Variants in VWA1 observed in about 807,000 individuals in gnomAD.
VWA1 encodes von Willebrand factor A domain-containing protein 1.
A neutral mutation model predicts 14.9 loss-of-function variants in VWA1; 12 were observed. The observed-to-expected ratio is 0.80, with a 90% CI of 0.52 to 1.30. The LOEUF (loss-of-function observed/expected upper bound fraction) is 1.30, where lower values mean the gene tolerates loss of function less well. Among genes scored for constraint, VWA1 ranks in the 50% most tolerant of loss-of-function variants. VWA1 has a pLI of 0.00. For missense variants in VWA1, 800 were observed against 649.1 expected (o/e 1.23, Z -2.53); for synonymous variants, 368 against 310.7 (o/e 1.18, Z -1.94).
Position 1,439,365 on chromosome 1 carries a change from GC to G in VWA1, c.917del (p.Ala306GlufsTer45). On this transcript the variant is annotated frameshift_variant, in exon 3 of 3. Transcript: ENST00000476993. LOFTEE classifies it low-confidence loss of function (END_TRUNC). ...GCGGGTGCGCACGCGGCCCGGTGAG[GC>G]AGGGCCGGGGGCTTCGGGCCCGGAG... ...ILRVRTRPGE[A>X]GPGASGPESG... The G allele has an allele frequency of 6.5e-7, 1 of 1,533,166 alleles. No individual in the cohort carries two copies. The highest frequency in any genetic ancestry group is 1.4e-5 in the African/African-American group (1 of 72,276). 95.0% of individuals were successfully genotyped at this position (1,533,166 alleles called of 1,614,324 possible). A position where few individuals can be genotyped will look rare whatever the true frequency, so the allele number is the denominator to read the frequency against.
Position 1,435,831 on chromosome 1 carries a change from G to A in VWA1, c.73+10G>A. On this transcript the variant is annotated intron_variant, in intron 1 of 2. Transcript: ENST00000476993. ...AGCGGCGCGGAGCGCGGTGAGTGCGGCGGGCGGCCGGGCCGGGGCTGGGGC... is the reference window on the plus strand; with the variant it reads ...AGCGGCGCGGAGCGCGGTGAGTGCGACGGGCGGCCGGGCCGGGGCTGGGGC... 8.7e-7 allele frequency: 1 copy of A among 1,143,704 alleles called. No homozygotes were observed. Among genetic ancestry groups the A allele is most frequent in the Non-Finnish European group, 1.1e-6 (1 of 937,782 alleles). 70.8% of individuals were successfully genotyped at this position (1,143,704 alleles called of 1,614,324 possible).
chr1:1,439,709 C>A lies in VWA1; in HGVS notation c.1260C>A (p.Cys420Ter). The change falls in exon 3 of 3, where the codon TGC (cysteine) becomes TGA (stop). Residue 420 changes from cysteine to a stop codon, truncating the protein, a stop_gained. Transcript: ENST00000476993. LOFTEE classifies it low-confidence loss of function (END_TRUNC). Reference protein sequence around the residue: ...GRESALSAKACTPDGPRPRPR... With the variant: ...GRESALSAKA ...AGAGCGCGCTGTCCGCCAAGGCCTGCACGCCCGACGGCCCGCGCCCGCGCC... is the reference window on the plus strand; with the variant it reads ...AGAGCGCGCTGTCCGCCAAGGCCTGAACGCCCGACGGCCCGCGCCCGCGCC... 2 of 1,188,406 alleles carry A rather than the reference C, an allele frequency of 1.7e-6. No individual in the cohort carries two copies. Among genetic ancestry groups the A allele is most frequent in the South Asian group, 2.2e-5 (1 of 45,330 alleles). 73.6% of individuals were successfully genotyped at this position (1,188,406 alleles called of 1,614,324 possible). A position where few individuals can be genotyped will look rare whatever the true frequency, so the allele number is the denominator to read the frequency against.
In VWA1 at chr1:1,439,705, C is replaced by T; in HGVS notation, c.1256C>T (p.Ala419Val). The part of the protein sequence containing the change: ...SGRESALSAK[A>V]CTPDGPRPRP... ...CGCGAGAGCGCGCTGTCCGCCAAGGCCTGCACGCCCGACGGCCCGCGCCCG... is the reference window on the plus strand; with the variant it reads ...CGCGAGAGCGCGCTGTCCGCCAAGGTCTGCACGCCCGACGGCCCGCGCCCG... The change falls in exon 3 of 3, where the codon GCC becomes GTC. Residue 419 changes from alanine to valine, a missense_variant. Physicochemically the swap from Ala to Val is moderately conservative, Grantham distance 64 (BLOSUM62 0). Transcript: ENST00000476993. 1 of 1,196,420 alleles carries T rather than the reference C, an allele frequency of 8.4e-7. No homozygotes were observed. The highest frequency in any genetic ancestry group is 1.0e-6 in the Non-Finnish European group (1 of 959,468). The allele number at this position is 1,196,420 out of a possible 1,614,324, so 74.1% of individuals were successfully genotyped here.
At chr1:1,439,007 C>T (rs1638600466) in intron 2 of VWA1, 74 bp from the exon 3 acceptor site, 55 of 1,498,790 alleles carry the variant, frequency 3.7e-5, no homozygotes, top group Non-Finnish European at 4.8e-5. Flanking sequence ...AGATCTTCCC[C>T]ATCAGCCAGG....
In VWA1 at chr1:1,437,422, T is replaced by C. The variant is rs1330634786; in HGVS notation, c.569T>C (p.Leu190Pro). Residue 190 changes from leucine to proline, a missense_variant, in exon 2 of 3, where the codon CTG becomes CCG. By Grantham distance (98) the Leu-to-Pro change is moderately conservative. Coordinates refer to ENST00000476993, the MANE Select transcript of VWA1 (RefSeq NM_022834.5). ...AAASAPAEKH[L>P]HFVDVDDLHI... ...GCCTCAGCCCCTGCCGAGAAGCACCTGCACTTTGTGGACGTGGATGACCTG... is the reference window on the plus strand; with the variant it reads ...GCCTCAGCCCCTGCCGAGAAGCACCCGCACTTTGTGGACGTGGATGACCTG... 6.2e-7 allele frequency: 1 copy of C among 1,612,732 alleles called. No individual in the cohort carries two copies. The highest frequency in any genetic ancestry group is 2.2e-5 in the East Asian group (1 of 44,880).
chr1:1,435,866 C>T (rs1638526273), intron 1 of VWA1, 45 bp downstream of exon 1: 1 of 1,064,226 alleles, frequency 9.4e-7, no homozygotes, highest in South Asian at 4.3e-5. Flanking sequence ...CTTCTGGTGA[C>T]CGCTCTGCGC....
Position 1,437,144 on chromosome 1 carries a change from C to T in VWA1, c.291C>T (p.Ala97=), listed in dbSNP as rs1638562524. The change falls in exon 2 of 3, where the codon GCC becomes GCT. Residue 97 remains alanine, a synonymous_variant. Coordinates refer to ENST00000476993, the MANE Select transcript of VWA1 (RefSeq NM_022834.5). ...GCCAGCACAGCTCGGGTGAGGCTGC[C>T]CAGGATGCGGTGCGTGCTTCTGCCC... is the stretch of plus-strand genomic sequence containing the variant. The part of the protein sequence containing the change: ...PFGQHSSGEA[A]QDAVRASAQR... The T allele has an allele frequency of 6.2e-7, 1 of 1,607,278 alleles. No homozygotes were observed. Among genetic ancestry groups the T allele is most frequent in the African/African-American group, 1.3e-5 (1 of 74,964 alleles).
Position 1,439,795 on chromosome 1 carries a change from TC to T in VWA1, c.*12del. On this transcript the variant is annotated 3_prime_UTR_variant, in exon 3 of 3. Coordinates refer to ENST00000476993, the MANE Select transcript of VWA1 (RefSeq NM_022834.5). ...GCCAGCCGTGAGCCGTAAGCCGGCG[TC>T]CCCGCCCAGCCGAGAGGGCCGGCGC... is the stretch of plus-strand genomic sequence containing the variant. The T allele has an allele frequency of 3.7e-6, 4 of 1,071,518 alleles. No individual in the cohort carries two copies. The highest frequency in any genetic ancestry group is 5.5e-5 in the Admixed American group (1 of 18,304). The allele number at this position is 1,071,518 out of a possible 1,614,324, so 66.4% of individuals were successfully genotyped here.
At position 1,439,083 on chromosome 1, in the gene VWA1, G is replaced by C. The variant is rs1485809791; in HGVS notation, c.634G>C (p.Ala212Pro). The change falls in exon 3 of 3, where the codon GCG (alanine) becomes CCG (proline). Residue 212 changes from alanine (A) to proline (P), a missense_variant and splice_region_variant. Physicochemically the swap from Ala to Pro is conservative, Grantham distance 27. Coordinates refer to ENST00000476993, the MANE Select transcript of VWA1 (RefSeq NM_022834.5). ...VQELRGSILD[A>P]MRPQQLHATE... is the part of the protein sequence containing the mutation. ...CTGACCCCCTGCACCACCCACAGAC[G>C]CGATGCGGCCGCAGCAGCTCCATGC... The C allele has an allele frequency of 6.3e-7, 1 of 1,597,750 alleles. No homozygotes were observed. Among genetic ancestry groups the C allele is most frequent in the Non-Finnish European group, 8.5e-7 (1 of 1,179,128 alleles).
rs548369481 is a variant in VWA1, at chr1:1,441,565, C to G, written c.*1778C>G. The G allele has an allele frequency of 6.6e-6, 1 of 152,532 alleles. No individual in the cohort carries two copies. Among genetic ancestry groups the G allele is most frequent in the South Asian group, 2.1e-4 (1 of 4,830 alleles). The allele number at this position is 152,532 out of a possible 1,614,324, so 9.4% of individuals were successfully genotyped here. A position where few individuals can be genotyped will look rare whatever the true frequency, so the allele number is the denominator to read the frequency against. The stretch of plus-strand genomic sequence containing the variant: ...TGCAGGTGGCGTGCTCACAACTGCA[C>G]TGCTGGTCGGCAGGTGGCCAGGGTT... On this transcript the variant is annotated 3_prime_UTR_variant, in exon 3 of 3. Transcript: ENST00000476993.
In VWA1 at chr1:1,439,381, C is replaced by T. The variant is rs2100455451; in HGVS notation, c.932C>T (p.Ser311Leu). 2 of 1,496,724 alleles carry T rather than the reference C, an allele frequency of 1.3e-6. No individual in the cohort carries two copies. Among genetic ancestry groups the T allele is most frequent in the Non-Finnish European group, 1.8e-6 (2 of 1,129,734 alleles). 92.7% of individuals were successfully genotyped at this position (1,496,724 alleles called of 1,614,324 possible). A position where few individuals can be genotyped will look rare whatever the true frequency, so the allele number is the denominator to read the frequency against. ...TRPGEAGPGA[S>L]GPESGAGPAP... ...CCCGGTGAGGCAGGGCCGGGGGCTT[C>T]GGGCCCGGAGTCGGGGGCTGGGCCG... is the stretch of plus-strand genomic sequence containing the variant. Residue 311 changes from serine (S) to leucine (L), a missense_variant, in exon 3 of 3, where the codon TCG becomes TTG. Physicochemically the swap from Ser to Leu is moderately radical, Grantham distance 145. Transcript: ENST00000476993.
Position 1,439,793 on chromosome 1 carries a change from C to T in VWA1, c.*6C>T, listed in dbSNP as rs1292533347. ...CCGCCAGCCGTGAGCCGTAAGCCGG[C>T]GTCCCCGCCCAGCCGAGAGGGCCGG... On this transcript the variant is annotated 3_prime_UTR_variant, in exon 3 of 3. Coordinates refer to ENST00000476993, the MANE Select transcript of VWA1 (RefSeq NM_022834.5). 1 of 1,071,960 alleles carries T rather than the reference C, an allele frequency of 9.3e-7. No individual in the cohort carries two copies. Among genetic ancestry groups the T allele is most frequent in the Non-Finnish European group, 1.1e-6 (1 of 885,450 alleles). 66.4% of individuals were successfully genotyped at this position (1,071,960 alleles called of 1,614,324 possible). A position where few individuals can be genotyped will look rare whatever the true frequency, so the allele number is the denominator to read the frequency against.
chr1:1,437,406 C>A lies in VWA1; in HGVS notation c.553C>A (p.Pro185Thr). ...GGAGCTGTCAGCCGCTGCCTCAGCCCCTGCCGAGAAGCACCTGCACTTTGT... is the reference window on the plus strand; with the variant it reads ...GGAGCTGTCAGCCGCTGCCTCAGCCACTGCCGAGAAGCACCTGCACTTTGT... ...FLELSAAASA[P>T]AEKHLHFVDV... Residue 185 changes from proline (P) to threonine (T), a missense_variant, in exon 2 of 3, where the codon CCT becomes ACT. Physicochemically the swap from Pro to Thr is conservative, Grantham distance 38. Transcript: ENST00000476993. 1.2e-6 allele frequency: 2 copies of A among 1,612,836 alleles called. No homozygotes were observed. Among genetic ancestry groups the A allele is most frequent in the Non-Finnish European group, 1.7e-6 (2 of 1,179,988 alleles).
Position 1,442,834 on chromosome 1 carries a change from G to T in VWA1, c.*3047G>T, listed in dbSNP as rs148307247. ...TGGGAGCCACCTAGGGAAGCAGGTC[G>T]CCTGTTTCTATAGTGACGGTAATAA... On this transcript the variant is annotated 3_prime_UTR_variant, in exon 3 of 3. Coordinates refer to ENST00000476993, the MANE Select transcript of VWA1 (RefSeq NM_022834.5). The T allele has an allele frequency of 9.0e-5, 1 of 11,068 alleles. No individual in the cohort carries two copies. Among genetic ancestry groups the T allele is most frequent in the African/African-American group, 3.9e-4 (1 of 2,594 alleles). 0.7% of individuals were successfully genotyped at this position (11,068 alleles called of 1,614,324 possible).
At chr1:1,437,513 G>A (rs199818331) in intron 2 of VWA1, 29 bp downstream of exon 2, 50 of 1,573,014 alleles carry the variant, frequency 3.2e-5, no homozygotes, top group Non-Finnish European at 4.1e-5. Context: ...GGCCCAGGGA[G>A]CCCTAGCTGG....
Position 1,439,530 on chromosome 1 carries a change from G to T in VWA1, c.1081G>T (p.Ala361Ser). ...GGCCCCAGCGCTGGGCTCAGCCGCG[G>T]CGCTCGGCTACCACGTGCAGTTCGG... ...SWAPALGSAAALGYHVQFGPL... is the reference protein window; with the variant it reads ...SWAPALGSAASLGYHVQFGPL... Residue 361 changes from alanine to serine, a missense_variant, in exon 3 of 3, where the codon GCG (alanine) becomes TCG (serine). By Grantham distance (99) the Ala-to-Ser change is moderately conservative. Coordinates refer to ENST00000476993, the MANE Select transcript of VWA1 (RefSeq NM_022834.5). The T allele has an allele frequency of 7.3e-7, 1 of 1,362,742 alleles. No individual in the cohort carries two copies. Among genetic ancestry groups the T allele is most frequent in the Non-Finnish European group, 9.4e-7 (1 of 1,061,292 alleles). 84.4% of individuals were successfully genotyped at this position (1,362,742 alleles called of 1,614,324 possible). A position where few individuals can be genotyped will look rare whatever the true frequency, so the allele number is the denominator to read the frequency against.
chr1:1,439,719 GGCCCGCGCCCGC>G lies in VWA1; in HGVS notation c.1275_1286del (p.Arg428_Pro431del), dbSNP rs908433842. Reference sequence around the variant, plus strand: ...GTCCGCCAAGGCCTGCACGCCCGACGGCCCGCGCCCGCGCCCACGCCCCGTGCCCCGCGCCCC... The same window carrying G: ...GTCCGCCAAGGCCTGCACGCCCGACGGCCCACGCCCCGTGCCCCGCGCCCC... On this transcript the variant is annotated inframe_deletion, in exon 3 of 3. Coordinates refer to ENST00000476993, the MANE Select transcript of VWA1 (RefSeq NM_022834.5). The G allele has an allele frequency of 7.0e-6, 8 of 1,147,826 alleles. No homozygotes were observed. The highest frequency in any genetic ancestry group is 7.5e-6 in the Non-Finnish European group (7 of 932,430). 71.1% of individuals were successfully genotyped at this position (1,147,826 alleles called of 1,614,324 possible). A position where few individuals can be genotyped will look rare whatever the true frequency, so the allele number is the denominator to read the frequency against.
rs888544809 is a variant in VWA1, at chr1:1,442,262, C to T, written c.*2475C>T. 6.6e-6 allele frequency: 1 copy of T among 152,322 alleles called. No homozygotes were observed. Among genetic ancestry groups the T allele is most frequent in the African/African-American group, 2.4e-5 (1 of 41,482 alleles). The allele number at this position is 152,322 out of a possible 1,614,324, so 9.4% of individuals were successfully genotyped here. On this transcript the variant is annotated 3_prime_UTR_variant, in exon 3 of 3. Transcript: ENST00000476993. ...CAGAGGCTGATACCCGCCAGGACTT[C>T]CTTGCCAAGGGCCCGGCCACGTCAC...
intron 1 of VWA1, among the ~76,000 whole-genome samples, chr1:1,436,126 C>G (rs997686515): frequency 1.3e-5 from 2 of 152,190 alleles, no homozygotes; most frequent in African/African-American, 2.4e-5. Flanking sequence ...CTCAGTTTCC[C>G]TACCCTTGCG....
Sources: gnomAD v4.1 joint callset for allele counts (sites outside exome capture counted in the v4.1 genomes callset) on GRCh38, gnomAD v4.1.1 for gene constraint, MANE v1.5 for transcripts, NCBI Gene and HGNC (gene_info 2026-07-23, HGNC 2026-07-21) for gene names.